Variants in GPC6 observed in about 807,000 individuals in gnomAD.
GPC6 encodes glypican-6.
GPC6 carries 14 observed loss-of-function variants against 55.2 expected under a neutral mutation model. The observed-to-expected ratio is 0.25, with a 90% CI of 0.17 to 0.40. The LOEUF (loss-of-function observed/expected upper bound fraction) is 0.40. Among genes scored for constraint, GPC6 ranks in the 10% least tolerant of loss-of-function variants. The pLI is 1.00. For missense variants in GPC6, 641 were observed against 708.5 expected, an observed-to-expected ratio of 0.90 and a Z score of 1.08; for synonymous variants, 278 against 259.6, an observed-to-expected ratio of 1.07 and a Z score of -0.68.
chr13:93,295,312 A>G (rs1878455521), intron 1 of GPC6, among the ~76,000 whole-genome samples: 5 of 144,640 alleles, frequency 3.5e-5, no homozygotes, highest in South Asian at 4.4e-4. Context: ...AAAAAAAAAA[A>G]AGAGAAAAAA....
intron 4 of GPC6, among the ~76,000 whole-genome samples, chr13:94,240,342 T>C (rs1433727300): frequency 6.6e-6 from 1 of 152,118 alleles, no homozygotes; most frequent in Non-Finnish European, 1.5e-5. Context: ...ACTTTATCAA[T>C]TTTATGGAAC....
intron 3 of GPC6, among the ~76,000 whole-genome samples, chr13:93,965,541 A>G (rs2140388530): frequency 6.6e-6 from 1 of 152,224 alleles, no homozygotes; most frequent in South Asian, 2.1e-4. Flanking sequence ...GGTAGATGTG[A>G]TGCCATGGGA....
intron 3 of GPC6, among the ~76,000 whole-genome samples, chr13:93,905,344 A>T (rs992382053): frequency 3.3e-5 from 5 of 150,788 alleles, no homozygotes; most frequent in Non-Finnish European, 5.9e-5. Flanking sequence ...AGTGCTACAC[A>T]AAAAATGCTC....
chr13:93,697,681 G>T (rs1882507913), intron 2 of GPC6, among the ~76,000 whole-genome samples: 1 of 152,068 alleles, frequency 6.6e-6, no homozygotes, highest in African/African-American at 2.4e-5. Flanking sequence ...CAAAATTTTA[G>T]AACTAACAAA....
chr13:93,544,191 T>G (rs1390152552), intron 1 of GPC6, among the ~76,000 whole-genome samples: 1 of 151,980 alleles, frequency 6.6e-6, no homozygotes, highest in East Asian at 1.9e-4. Flanking sequence ...AACGTTAATA[T>G]GTACTTGTAA....
intron 4 of GPC6, among the ~76,000 whole-genome samples, chr13:94,269,058 G>A (rs1044424074): frequency 2.6e-5 from 4 of 152,070 alleles, no homozygotes; most frequent in East Asian, 1.9e-4. Context: ...AAAATGAGGC[G>A]AAGAATAACA....
intron 4 of GPC6, among the ~76,000 whole-genome samples, chr13:94,206,941 C>G (rs899853860): frequency 5.9e-5 from 9 of 152,164 alleles, no homozygotes; most frequent in African/African-American, 2.2e-4. Context: ...AACCATACTT[C>G]CAGTCACCCC....
At chr13:93,564,486 A>G (rs1377980814) in intron 2 of GPC6, among the ~76,000 whole-genome samples, 2 of 152,188 alleles carry the variant, frequency 1.3e-5, no homozygotes, top group Admixed American at 1.3e-4. Flanking sequence ...AAGAAGAACA[A>G]TGCAGCAATG....
chr13:94,380,867 T>C (rs1407697905), intron 6 of GPC6, among the ~76,000 whole-genome samples: 1 of 152,234 alleles, frequency 6.6e-6, no homozygotes, highest in Non-Finnish European at 1.5e-5. Context: ...ATTCTTCATC[T>C]GGAAGGACTC....
rs185007352 is a variant in GPC6 at position 94,225,688 on chromosome 13, T to A, written c.878-60661T>A. On this transcript the variant is annotated intron_variant, in intron 4 of 8. Coordinates refer to ENST00000377047, the MANE Select transcript of GPC6 (RefSeq NM_005708.5). ...GTATACACATATATATATATATATATAAACTGTATAGTCTTTAAATAGAAA... is the reference window on the plus strand; with the variant it reads ...GTATACACATATATATATATATATAAAAACTGTATAGTCTTTAAATAGAAA... Among the ~76,000 whole-genome samples, 84 of 149,710 alleles carry A rather than the reference T, an allele frequency of 5.6e-4. No individual in the cohort carries two copies. In the East Asian group the frequency reaches 8.1e-3, roughly 14 times the overall value.
chr13:93,251,829 C>T (rs934900345), intron 1 of GPC6, among the ~76,000 whole-genome samples: 1 of 152,154 alleles, frequency 6.6e-6, no homozygotes, highest in African/African-American at 2.4e-5. Flanking sequence ...GAGAGAAGCT[C>T]TAATAGAACT....
chr13:94,240,555 A>T (rs1891026221), intron 4 of GPC6, among the ~76,000 whole-genome samples: 1 of 152,152 alleles, frequency 6.6e-6, no homozygotes, highest in African/African-American at 2.4e-5. Flanking sequence ...AGTTGGAGAA[A>T]CAACAGCAAC....
chr13:93,676,248 C>CAT (rs1359902783), intron 2 of GPC6, among the ~76,000 whole-genome samples: 1 of 146,248 alleles, frequency 6.8e-6, no homozygotes, highest in Admixed American at 6.9e-5. Flanking sequence ...TATATACACA[C>CAT]ATATATATAC....
At chr13:93,298,725 G>A (rs1878577431) in intron 1 of GPC6, among the ~76,000 whole-genome samples, 1 of 151,996 alleles carries the variant, frequency 6.6e-6, no homozygotes, top group Non-Finnish European at 1.5e-5. Context: ...TGGGATTGTA[G>A]GCATGAGTCA....
chr13:94,120,699 A>G (rs2138853172), intron 4 of GPC6, among the ~76,000 whole-genome samples: 1 of 152,262 alleles, frequency 6.6e-6, no homozygotes, highest in East Asian at 1.9e-4. Context: ...TGGAATATAA[A>G]TATAGACTTT....
intron 2 of GPC6, among the ~76,000 whole-genome samples, chr13:93,789,622 T>C (rs1168132344): frequency 7.1e-5 from 8 of 112,148 alleles, no homozygotes; most frequent in South Asian, 2.8e-4. Context: ...TATATATATA[T>C]ATATATATAT....
intron 4 of GPC6, among the ~76,000 whole-genome samples, chr13:94,210,062 G>A (rs1424777000): frequency 6.6e-6 from 1 of 151,822 alleles, no homozygotes; most frequent in Admixed American, 6.6e-5. Context: ...TTCACAGGCT[G>A]GTCTCAAACT....
At chr13:93,609,224 G>GTTT (rs1299678073) in intron 2 of GPC6, among the ~76,000 whole-genome samples, 1 of 151,920 alleles carries the variant, frequency 6.6e-6, no homozygotes, top group Non-Finnish European at 1.5e-5. Flanking sequence ...TGTTGTTGTT[G>GTTT]TTGTTGTTGA....
intron 6 of GPC6, among the ~76,000 whole-genome samples, chr13:94,322,380 A>G (rs1250826728): frequency 6.6e-6 from 1 of 152,180 alleles, no homozygotes; most frequent in Non-Finnish European, 1.5e-5. Flanking sequence ...GCAGACGACT[A>G]CACCTACCCA....
Sources: allele counts gnomAD v4.1 joint callset (sites outside exome capture counted in the v4.1 genomes callset), GRCh38; gene constraint gnomAD v4.1.1; transcripts MANE v1.5; gene names NCBI Gene and HGNC (gene_info 2026-07-23, HGNC 2026-07-21).